The following VPS53 variants were observed in gnomAD, a reference collection of about 807,000 sequenced individuals.
The protein encoded by VPS53 is VPS53 subunit of GARP complex.
Under a neutral mutation model 107.0 loss-of-function variants are expected in VPS53, and 70 were observed. The ratio of observed to expected loss-of-function variants is 0.65; its 90% CI spans 0.54 to 0.80. The LOEUF (loss-of-function observed/expected upper bound fraction) is 0.80. VPS53 is among the 30% of genes least tolerant of loss of function. VPS53 has a pLI of 0.00. For missense variants in VPS53, 917 were observed against 1,049.4 expected (o/e 0.87, Z 1.74); for synonymous variants, 409 against 393.3 (o/e 1.04, Z -0.47).
chr17:700,396 A>C (rs1016987620), intron 2 of VPS53, among the ~76,000 whole-genome samples: 6 of 151,932 alleles, frequency 3.9e-5, no homozygotes, highest in Non-Finnish European at 7.4e-5. Flanking sequence ...TACAAAAAAA[A>C]AAAAATTAGG....
chr17:708,126 C>A (rs1973488839), intron 2 of VPS53, among the ~76,000 whole-genome samples: 1 of 152,146 alleles, frequency 6.6e-6, no homozygotes, highest in Non-Finnish European at 1.5e-5. Flanking sequence ...TGTAGAAAGA[C>A]ACGAAACTAA....
intron 13 of VPS53, among the ~76,000 whole-genome samples, chr17:573,066 T>C (rs910887124): frequency 1.6e-4 from 24 of 152,080 alleles, no homozygotes; most frequent in Admixed American, 1.6e-3. Context: ...TCAACAATGG[T>C]AATTAGTTTA....
chr17:705,080 TG>T (rs753227758), intron 2 of VPS53, among the ~76,000 whole-genome samples: 2 of 152,196 alleles, frequency 1.3e-5, no homozygotes, highest in East Asian at 1.9e-4. Flanking sequence ...TTCACAATGA[TG>T]GGGATCAAGA....
At chr17:574,314 CTCCTTGCCCAAAGTA>C (rs1419143896) in intron 13 of VPS53, among the ~76,000 whole-genome samples, 5 of 152,168 alleles carry the variant, frequency 3.3e-5, no homozygotes, top group Non-Finnish European at 7.4e-5. Flanking sequence ...GGAGGCCTGG[CTCCTTGCCCAAAGTA>C]TCATGAACAA....
rs555742631 is a variant in VPS53, at chr17:634,137, C to T, written c.609-2509G>A. On this transcript the variant is annotated intron_variant, in intron 7 of 21. Transcript: ENST00000437048. ...GGTGGGCCCGGCTCTGCCCCTGGCC[C>T]GAACTATTTGCTACTCCATATTCTT... Among the ~76,000 whole-genome samples the T allele has an allele frequency of 3.3e-5, 5 of 152,246 alleles. No individual in the cohort carries two copies. In the East Asian group the frequency reaches 9.7e-4, roughly 29 times the overall value.
At chr17:609,982 AT>A (rs1968775790) in intron 11 of VPS53, among the ~76,000 whole-genome samples, 1 of 151,892 alleles carries the variant, frequency 6.6e-6, no homozygotes, top group African/African-American at 2.4e-5. Flanking sequence ...AAAAAAAAAA[AT>A]TAGCCAGGCG....
intron 8 of VPS53, among the ~76,000 whole-genome samples, chr17:629,795 A>C (rs1260032481): frequency 8.8e-6 from 1 of 113,962 alleles, no homozygotes; most frequent in African/African-American, 3.4e-5. Context: ...ACTAAAAACA[A>C]AACAAAAAAA....
chr17:532,871 T>G lies in VPS53; in HGVS notation c.2056A>C (p.Lys686Gln), dbSNP rs1325340397. ...PKFITHLFKC[K>Q]PISMVGAEQL... ...TCTGCTCCCACCATGCTAATTGGCTTGCACTTGAAGAGGTGGGTGATGAAT... is the reference window on the plus strand; with the variant it reads ...TCTGCTCCCACCATGCTAATTGGCTGGCACTTGAAGAGGTGGGTGATGAAT... Residue 686 changes from lysine (K) to glutamine (Q), a missense_variant, in exon 19 of 22, where the codon AAG becomes CAG. Coordinates refer to ENST00000437048, the MANE Select transcript of VPS53 (RefSeq NM_001128159.3). 6.2e-7 allele frequency: 1 copy of G among 1,614,122 alleles called. No individual in the cohort carries two copies. The highest frequency in any genetic ancestry group is 2.2e-5 in the East Asian group (1 of 44,886).
chr17:570,372 CAAAAAAAAAAAAAAA>C (rs57449097), intron 13 of VPS53, among the ~76,000 whole-genome samples: 1 of 90,438 alleles, frequency 1.1e-5, no homozygotes, highest in Admixed American at 1.3e-4. Context: ...GACTCTGTCT[CAAAAAAAAAAAAAAA>C]AAAAAAAAGA....
chr17:711,151 A>G (rs1973628868), intron 1 of VPS53, among the ~76,000 whole-genome samples: 1 of 152,160 alleles, frequency 6.6e-6, no homozygotes, highest in South Asian at 2.1e-4. Context: ...TTGAGGTTGC[A>G]GTGAGCCGAG....
Position 509,467 on chromosome 17 carries a change from C to G in VPS53, c.*9661G>C. ...TAGTCACGTATCGAATCCTGGCTGA[C>G]CCCCTGACTAGTCACGTATCAAATC... On this transcript the variant is annotated 3_prime_UTR_variant, in exon 22 of 22. Transcript: ENST00000437048. 1 of 87,624 alleles carries G rather than the reference C, an allele frequency of 1.1e-5. No individual in the cohort carries two copies. The highest frequency in any genetic ancestry group is 2.6e-5 in the Non-Finnish European group (1 of 38,976). The allele number at this position is 87,624 out of a possible 1,614,324, so 5.4% of individuals were successfully genotyped here. A position where few individuals can be genotyped will look rare whatever the true frequency, so the allele number is the denominator to read the frequency against.
At chr17:643,130 G>C (rs1299489690) in intron 7 of VPS53, among the ~76,000 whole-genome samples, 34 of 90,986 alleles carry the variant, frequency 3.7e-4, no homozygotes, top group African/African-American at 4.7e-4. Flanking sequence ...CACTTGGAAA[G>C]CGAGGACAAC....
At position 519,359 on chromosome 17, in the gene VPS53, C is replaced by G. The variant is rs1440667468; in HGVS notation, c.2329-61G>C. 7.0e-7 allele frequency: 1 copy of G among 1,424,648 alleles called. No homozygotes were observed. Among genetic ancestry groups the G allele is most frequent in the African/African-American group, 1.4e-5 (1 of 69,236 alleles). The allele number at this position is 1,424,648 out of a possible 1,614,324, so 88.3% of individuals were successfully genotyped here. On this transcript the variant is annotated intron_variant, in intron 21 of 21. Coordinates refer to ENST00000437048, the MANE Select transcript of VPS53 (RefSeq NM_001128159.3). The surrounding 1 kb of genome is among the most constrained non-coding windows in gnomAD (Gnocchi z 5.0). ...CTGGGCCAGAATGGCCCACGGGGGA[C>G]AGCGCAGTATCTGGATATGGGGTCA...
rs1371563810 is a variant in VPS53 at position 517,895 on chromosome 17, C to G, written c.*1233G>C. 1 of 153,080 alleles carries G rather than the reference C, an allele frequency of 6.5e-6. No individual in the cohort carries two copies. The highest frequency in any genetic ancestry group is 1.5e-5 in the Non-Finnish European group (1 of 68,614). 9.5% of individuals were successfully genotyped at this position (153,080 alleles called of 1,614,324 possible). A position where few individuals can be genotyped will look rare whatever the true frequency, so the allele number is the denominator to read the frequency against. On this transcript the variant is annotated 3_prime_UTR_variant, in exon 22 of 22. Transcript: ENST00000437048. ...TCCTGAGCTCAAGCAATCTGCCCACCTCAGCCTCCCTAGCAGTTGGGACTA... is the reference window on the plus strand; with the variant it reads ...TCCTGAGCTCAAGCAATCTGCCCACGTCAGCCTCCCTAGCAGTTGGGACTA...
intron 11 of VPS53, among the ~76,000 whole-genome samples, chr17:618,419 A>G (rs1351674828): frequency 1.0e-4 from 12 of 116,580 alleles, no homozygotes; most frequent in African/African-American, 1.2e-4. Context: ...CCCCACTAAT[A>G]TTTCCCGGGT....
At chr17:588,160 A>C (rs1305807029) in intron 12 of VPS53, among the ~76,000 whole-genome samples, 1 of 152,178 alleles carries the variant, frequency 6.6e-6, no homozygotes, top group Non-Finnish European at 1.5e-5. Context: ...TACTAAAAAA[A>C]TACAAAAATT....
intron 12 of VPS53, among the ~76,000 whole-genome samples, chr17:590,066 G>A (rs1444275193): frequency 1.3e-5 from 2 of 152,142 alleles, no homozygotes; most frequent in South Asian, 2.1e-4. Context: ...GCAGTGGTTC[G>A]TAGTTCTCCT....
intron 18 of VPS53, among the ~76,000 whole-genome samples, chr17:535,794 CT>C (rs1265926570): frequency 6.6e-6 from 1 of 152,200 alleles, no homozygotes; most frequent in African/African-American, 2.4e-5. Context: ...GGAGAGTCCA[CT>C]CTATCCTTTC....
intron 12 of VPS53, among the ~76,000 whole-genome samples, chr17:594,363 G>C (rs1297243932): frequency 6.6e-6 from 1 of 152,236 alleles, no homozygotes; most frequent in African/African-American, 2.4e-5. Context: ...CACCGCATGG[G>C]CTGGAGGGCA....
Sources: gnomAD v4.1 joint callset for allele counts (sites outside exome capture counted in the v4.1 genomes callset) on GRCh38, gnomAD v4.1.1 for gene constraint, Gnocchi (gnomAD v3.1) non-coding constraint, MANE v1.5 for transcripts, NCBI Gene and HGNC (gene_info 2026-07-23, HGNC 2026-07-21) for gene names.